The following POU2F2 variants were observed in gnomAD, a reference collection of about 807,000 sequenced individuals.
The protein encoded by POU2F2 is POU domain, class 2, transcription factor 2.
POU2F2 carries 14 observed loss-of-function variants against 63.5 expected under a neutral mutation model. That is an observed-to-expected ratio of 0.22 (90% confidence interval 0.15 to 0.34). The LOEUF (loss-of-function observed/expected upper bound fraction) is 0.34. Ranked by LOEUF, POU2F2 falls within the 10% of genes least tolerant of loss-of-function variation. The pLI is 1.00. For missense variants in POU2F2, 607 were observed against 815.2 expected (o/e 0.74, Z 3.11); for synonymous variants, 306 against 348.6 (o/e 0.88, Z 1.36).
intron 1 of POU2F2, among the ~76,000 whole-genome samples, chr19:42,184,468 GC>G (rs2034993720): frequency 6.6e-6 from 1 of 151,990 alleles, no homozygotes; most frequent in African/African-American, 2.4e-5. Context: ...GAGTTTGTGG[GC>G]CCCAGTGAAT....
chr19:42,188,669 C>CAAAAAAAAAA (rs998040622), intron 1 of POU2F2, among the ~76,000 whole-genome samples: 1 of 38,166 alleles, frequency 2.6e-5, no homozygotes, highest in Non-Finnish European at 6.1e-5. Flanking sequence ...GAGTTCATCT[C>CAAAAAAAAAA]AAAAAAAAAA....
At chr19:42,175,309 T>A (rs1054361927) in intron 1 of POU2F2, among the ~76,000 whole-genome samples, 1 of 152,196 alleles carries the variant, frequency 6.6e-6, no homozygotes, top group Non-Finnish European at 1.5e-5. Flanking sequence ...GGGGTTAGGC[T>A]CTGGTAGGAA....
At chr19:42,106,821 A>AGG (rs1569000763) in intron 5 of POU2F2, among the ~76,000 whole-genome samples, 1 of 147,198 alleles carries the variant, frequency 6.8e-6, no homozygotes, top group African/African-American at 2.5e-5. Context: ...GGAGGAGGAG[A>AGG]AGGAGGAGGA....
intron 5 of POU2F2, among the ~76,000 whole-genome samples, chr19:42,102,913 A>G (rs1327234512): frequency 6.6e-6 from 1 of 152,108 alleles, no homozygotes; most frequent in Non-Finnish European, 1.5e-5. Flanking sequence ...CAATGCAAAC[A>G]AAACCCCTCA....
At position 42,091,267 on chromosome 19, in the gene POU2F2, TTGGACCCTGCCTCGGGCCCCCC is replaced by T; in HGVS notation, c.1843_1864del (p.Gly615AsnfsTer62). 1 of 1,531,954 alleles carries T rather than the reference TTGGACCCTGCCTCGGGCCCCCC, an allele frequency of 6.5e-7. No homozygotes were observed. The highest frequency in any genetic ancestry group is 1.4e-5 in the African/African-American group (1 of 72,868). 94.9% of individuals were successfully genotyped at this position (1,531,954 alleles called of 1,614,324 possible). A position where few individuals can be genotyped will look rare whatever the true frequency, so the allele number is the denominator to read the frequency against. Reference sequence around the variant, plus strand: ...AGGCATGGCTGGCCCTCACTCAGGTTTGGACCCTGCCTCGGGCCCCCCTGGACCTCCAGGGGTCTGTGCTGCC... The same window carrying T: ...AGGCATGGCTGGCCCTCACTCAGGTTTGGACCTCCAGGGGTCTGTGCTGCC... On this transcript the variant is annotated frameshift_variant, in exon 15 of 15. Coordinates refer to ENST00000692977, the MANE Select transcript of POU2F2 (RefSeq NM_001394376.1). LOFTEE classifies it high-confidence loss of function.
chr19:42,125,358 T>C (rs528784538), intron 1 of POU2F2, among the ~76,000 whole-genome samples: 125 of 84,242 alleles, frequency 1.5e-3, no homozygotes, highest in Admixed American at 6.6e-3. Context: ...CAAGACTCTG[T>C]CTCAAAAAAA....
chr19:42,159,618 C>A (rs924036265), intron 2 of POU2F2, among the ~76,000 whole-genome samples: 3 of 152,174 alleles, frequency 2.0e-5, no homozygotes, highest in Non-Finnish European at 4.4e-5. Flanking sequence ...ATGGCCAGAG[C>A]CCCTGCTTCC....
intron 1 of POU2F2, among the ~76,000 whole-genome samples, chr19:42,166,490 A>G (rs996720645): frequency 6.6e-6 from 1 of 152,074 alleles, no homozygotes; most frequent in Non-Finnish European, 1.5e-5. Flanking sequence ...CAACAAGGAA[A>G]CTCGAGGCTT....
At chr19:42,125,361 C>CA (rs397956774) in intron 1 of POU2F2, among the ~76,000 whole-genome samples, 937 of 9,284 alleles carry the variant, frequency 0.1, 9 homozygotes, top group African/African-American at 0.23. Context: ...GACTCTGTCT[C>CA]AAAAAAAAAA....
At chr19:42,132,657 T>A (rs1021157535), upstream of POU2F2, 11 of 401,838 alleles carry the variant, frequency 2.7e-5, no homozygotes, top group African/African-American at 2.1e-4. Flanking sequence ...AGCCGACTCC[T>A]ACGGCTGCGA....
intron 1 of POU2F2, among the ~76,000 whole-genome samples, chr19:42,184,675 T>C (rs2034995696): frequency 6.6e-6 from 1 of 152,128 alleles, no homozygotes. Flanking sequence ...CAAGCACTTT[T>C]CAGTCCTATC....
chr19:42,187,899 C>T (rs2035030868), intron 1 of POU2F2, among the ~76,000 whole-genome samples: 1 of 151,924 alleles, frequency 6.6e-6, no homozygotes, highest in Admixed American at 6.6e-5. Flanking sequence ...CCTAAGAGGT[C>T]CCAGTGACCC....
intron 1 of POU2F2, among the ~76,000 whole-genome samples, chr19:42,166,950 G>T (rs536592488): frequency 6.6e-6 from 1 of 152,238 alleles, no homozygotes; most frequent in African/African-American, 2.4e-5. Context: ...GTAGGTGACA[G>T]GGGATCCGGC....
intron 5 of POU2F2, chr19:42,110,512 T>G (rs929041022): frequency 2.6e-5 from 5 of 191,182 alleles, no homozygotes; most frequent in African/African-American, 1.2e-4. Context: ...CCTTCCAGCT[T>G]GGAAACTCGG....
chr19:42,183,777 C>T (rs960271702), intron 1 of POU2F2, among the ~76,000 whole-genome samples: 3 of 151,968 alleles, frequency 2.0e-5, no homozygotes, highest in Non-Finnish European at 2.9e-5. Flanking sequence ...AGAAAGCGTT[C>T]CCATGGAAGA....
chr19:42,122,614 G>A (rs948723092), intron 1 of POU2F2, 38 bp from the exon 2 acceptor site: 5 of 1,493,672 alleles, frequency 3.3e-6, no homozygotes, highest in African/African-American at 1.4e-5. Context: ...GGTGAAGGAG[G>A]GGAATCCAGG....
intron 5 of POU2F2, 112 bp from the exon 6 acceptor site, chr19:42,099,933 G>C: frequency 1.2e-6 from 1 of 824,352 alleles, no homozygotes; most frequent in Non-Finnish European, 2.0e-6. Flanking sequence ...TCCACATGGC[G>C]ATCTGGCACT....
intron 1 of POU2F2, among the ~76,000 whole-genome samples, chr19:42,163,599 CT>C (rs1050769096): frequency 7.9e-5 from 12 of 152,192 alleles, no homozygotes; most frequent in African/African-American, 1.7e-4. Flanking sequence ...TCTACCCAGG[CT>C]TTTCTCTCCT....
rs1599921556 is a variant in POU2F2, at chr19:42,092,597, A to G, written c.1265-327T>C. Among the ~76,000 whole-genome samples the G allele has an allele frequency of 6.6e-6, 1 of 152,180 alleles. No individual in the cohort carries two copies. Among genetic ancestry groups the G allele is most frequent in the Admixed American group, 6.5e-5 (1 of 15,284 alleles). On this transcript the variant is annotated intron_variant, in intron 12 of 14. Transcript: ENST00000692977. The surrounding 1 kb of genome is among the most constrained non-coding windows in gnomAD (Gnocchi z 5.0). ...CTATGGCTCCCTCTAGGGGCTGGGGAGGGGCGAAGGGTGCCAGGCACACTG... is the reference window on the plus strand; with the variant it reads ...CTATGGCTCCCTCTAGGGGCTGGGGGGGGGCGAAGGGTGCCAGGCACACTG...
Sources: allele counts gnomAD v4.1 joint callset (sites outside exome capture counted in the v4.1 genomes callset), GRCh38; gene constraint gnomAD v4.1.1; non-coding constraint Gnocchi (gnomAD v3.1); transcripts MANE v1.5; gene names NCBI Gene and HGNC (gene_info 2026-07-23, HGNC 2026-07-21).